Variants in PDE4C observed in about 807,000 individuals in gnomAD.
PDE4C encodes 3',5'-cyclic-AMP phosphodiesterase 4C.
In PDE4C, 50 loss-of-function variants were observed where a neutral mutation model predicts 63.9. The observed-to-expected ratio is 0.78, with a 90% CI of 0.62 to 0.99. PDE4C has a LOEUF of 0.99. Among genes scored for constraint, PDE4C ranks in the 50% least tolerant of loss-of-function variants. PDE4C has a pLI of 0.00. For missense variants in PDE4C, 777 were observed against 899.1 expected, an observed-to-expected ratio of 0.86 and a Z score of 1.74; for synonymous variants, 377 against 385.1, an observed-to-expected ratio of 0.98 and a Z score of 0.25.
chr19:18,229,102 ATTTTT>A (rs56379821), upstream of PDE4C, among the ~76,000 whole-genome samples: 38,226 of 124,422 alleles, frequency 0.31, 5,485 homozygotes, highest in Non-Finnish European at 0.35. Flanking sequence ...TGCCAAGCTA[ATTTTT>A]TTTTTTTTTT....
rs535422150 is a variant in PDE4C at position 18,211,054 on chromosome 19, C to T, written c.1918G>A (p.Glu640Lys). The change falls in exon 15 of 15, where the codon GAA (glutamate) becomes AAA (lysine). Residue 640 changes from glutamate (E) to lysine (K), a missense_variant. By Grantham distance (56) the Glu-to-Lys change is moderately conservative. Coordinates refer to ENST00000262805, the Ensembl canonical transcript of PDE4C. The stretch of plus-strand genomic sequence containing the variant: ...GCTGTCTCTTCCCCCTCCTCTTCTT[C>T]CTCCTCATCCTCTTCCTCTGCCTCC... 3.6e-5 allele frequency: 58 copies of T among 1,614,120 alleles called. No individual in the cohort carries two copies. Among genetic ancestry groups the T allele is most frequent in the Non-Finnish European group, 4.7e-5 (56 of 1,180,046 alleles).
chr19:18,213,325 C>T (rs745481335), intron 13 of PDE4C, 43 bp downstream of exon 13: 3 of 1,527,804 alleles, frequency 2.0e-6, no homozygotes, highest in Admixed American at 2.2e-5. Context: ...AAAGTAAAAC[C>T]AAAATTTAAA....
intron 1 of PDE4C, chr19:18,224,608 T>A: frequency 1.4e-6 from 1 of 726,598 alleles, no homozygotes; most frequent in Non-Finnish European, 1.7e-6. Flanking sequence ...CCGGTTACGC[T>A]CGGTCTGCTT....
chr19:18,217,973 C>T (rs1968275419), intron 11 of PDE4C, among the ~76,000 whole-genome samples, 176 bp downstream of exon 11: 1 of 152,174 alleles, frequency 6.6e-6, no homozygotes, highest in Non-Finnish European at 1.5e-5. Flanking sequence ...TTTGTTGGCA[C>T]CTACTGTGTA....
intron 1 of PDE4C, among the ~76,000 whole-genome samples, chr19:18,246,010 A>ATTTT (rs752230825): frequency 4.6e-4 from 59 of 127,628 alleles, no homozygotes; most frequent in South Asian, 1.8e-3. Flanking sequence ...TGCCCAGCTA[A>ATTTT]TTTTTTTTTT....
intron 12 of PDE4C, among the ~76,000 whole-genome samples, chr19:18,215,339 G>A (rs574853144): frequency 7.8e-4 from 118 of 152,130 alleles, no homozygotes; most frequent in African/African-American, 2.8e-3. Context: ...TCACAGCTCT[G>A]CCTGCAGGTC....
At chr19:18,235,311 C>A (rs1968932184), upstream of PDE4C, among the ~76,000 whole-genome samples, 1 of 152,186 alleles carries the variant, frequency 6.6e-6, no homozygotes, top group African/African-American at 2.4e-5. Context: ...GCTGGGATTA[C>A]AAGCACCCGC....
upstream of PDE4C, among the ~76,000 whole-genome samples, chr19:18,237,446 G>A (rs1471446930): frequency 6.6e-6 from 1 of 152,178 alleles, no homozygotes; most frequent in Non-Finnish European, 1.5e-5. Flanking sequence ...AGCTACTCGG[G>A]AGGCTGAAGC....
rs370618947 is a variant in PDE4C, at chr19:18,218,365, G to A, written c.1103C>T (p.Thr368Met). The A allele has an allele frequency of 1.3e-5, 21 of 1,614,140 alleles. 1 individual carries two copies. The highest frequency in any genetic ancestry group is 7.7e-5 in the South Asian group (7 of 91,094). Residue 368 changes from threonine to methionine, a missense_variant, in exon 10 of 15, where the codon ACG (threonine) becomes ATG (methionine). Thr to Met is a moderately conservative substitution (Grantham distance 81). Transcript: ENST00000262805. ...GGCGGGCGTAGCCAGCAGCACATGC[G>A]TGGACTGGGCCACGTCGGCGGCATG...
chr19:18,224,290 C>T (rs191477547), intron 1 of PDE4C: 14 of 985,376 alleles, frequency 1.4e-5, no homozygotes, highest in East Asian at 1.1e-4. Flanking sequence ...GGAAGACAAC[C>T]GGGACCGCCT....
chr19:18,237,721 A>G (rs1353534694), upstream of PDE4C, among the ~76,000 whole-genome samples: 1 of 151,722 alleles, frequency 6.6e-6, no homozygotes, highest in Admixed American at 6.6e-5. Flanking sequence ...AAATACAAAA[A>G]AATTAGCCGG....
upstream of PDE4C, among the ~76,000 whole-genome samples, chr19:18,237,976 C>A (rs1159419511): frequency 6.6e-6 from 1 of 151,944 alleles, no homozygotes; most frequent in African/African-American, 2.4e-5. Flanking sequence ...GTGGCTCATG[C>A]CCATAATCCC....
rs1474070391 is a variant in PDE4C, at chr19:18,220,760, A to C, written c.499+114T>G. ...TCCCCGAGGGCGTTATTGTTTTTGC[A>C]GGGGCGGGGCTACAATTAGCCCCAG... On this transcript the variant is annotated intron_variant, in intron 5 of 14. Coordinates refer to ENST00000262805, the Ensembl canonical transcript of PDE4C. This position sits in a 1 kb window ranked among gnomAD's most constrained non-coding sequence, Gnocchi z 5.1. 17 of 1,063,314 alleles carry C rather than the reference A, an allele frequency of 1.6e-5. No individual in the cohort carries two copies. The highest frequency in any genetic ancestry group is 2.0e-5 in the Non-Finnish European group (14 of 701,090). The allele number at this position is 1,063,314 out of a possible 1,614,324, so 65.9% of individuals were successfully genotyped here.
Position 18,224,155 on chromosome 19 carries a change from C to T in PDE4C, c.147-1832G>A, listed in dbSNP as rs149069441. 3.1e-6 allele frequency: 3 copies of T among 960,626 alleles called. No homozygotes were observed. The African/African-American group carries it at 5.3e-5, about 17-fold the overall frequency. 59.5% of individuals were successfully genotyped at this position (960,626 alleles called of 1,614,324 possible). On this transcript the variant is annotated intron_variant, in intron 1 of 14. Coordinates refer to ENST00000262805, the Ensembl canonical transcript of PDE4C. Reference sequence around the variant, plus strand: ...GTTCTACCCTCAAACCCTGTCTTTCCCTCTGGCTCCTCCTCTTTGGGGTCA... The same window carrying T: ...GTTCTACCCTCAAACCCTGTCTTTCTCTCTGGCTCCTCCTCTTTGGGGTCA...
At chr19:18,211,273 C>T (rs754321359) in exon 15 of PDE4C, 1 of 1,572,856 alleles carries the variant, frequency 6.4e-7, no homozygotes, top group African/African-American at 1.3e-5. Flanking sequence ...TCAATGAAAC[C>T]CACCTGTGGC....
intron 7 of PDE4C, 145 bp from the exon 8 acceptor site, chr19:18,219,542 G>A (rs868037590): frequency 2.0e-5 from 18 of 918,224 alleles, no homozygotes; most frequent in African/African-American, 1.7e-4. Flanking sequence ...AGACCCTGTC[G>A]GCCGGACGCA....
At chr19:18,243,875 G>A (rs1334103204) in intron 1 of PDE4C, among the ~76,000 whole-genome samples, 1 of 151,910 alleles carries the variant, frequency 6.6e-6, no homozygotes, top group Non-Finnish European at 1.5e-5. Flanking sequence ...TTATTTTTGA[G>A]ACAAAGTCTC....
chr19:18,244,317 C>T (rs1378703944), intron 1 of PDE4C, among the ~76,000 whole-genome samples: 13 of 150,598 alleles, frequency 8.6e-5, no homozygotes, highest in Middle Eastern at 3.4e-3. Context: ...TTTTTTGAGA[C>T]GACGTCTCAC....
intron 11 of PDE4C, 51 bp downstream of exon 11, chr19:18,218,095 GGGT>G (rs1968280520): frequency 7.6e-7 from 1 of 1,318,016 alleles, no homozygotes; most frequent in Admixed American, 1.7e-5. Context: ...CTGGTGGACA[GGGT>G]GGAGGCAGGG....
Sources: allele counts gnomAD v4.1 joint callset (sites outside exome capture counted in the v4.1 genomes callset), GRCh38; gene constraint gnomAD v4.1.1; non-coding constraint Gnocchi (gnomAD v3.1); transcripts MANE v1.5; gene names NCBI Gene and HGNC (gene_info 2026-07-23, HGNC 2026-07-21).